The following TRIM24 variants were observed in gnomAD, a reference collection of about 807,000 sequenced individuals.
TRIM24 encodes the protein transcription intermediary factor 1-alpha.
A neutral mutation model predicts 123.9 loss-of-function variants in TRIM24; 29 were observed. That is an observed-to-expected ratio of 0.23 (90% CI 0.17 to 0.32). The LOEUF is 0.32. TRIM24 is among the 10% of genes least tolerant of loss of function. The probability of loss-of-function intolerance (pLI) is 1.00; values close to 1 mark genes in which losing one functional copy is unlikely to be tolerated. For missense variants in TRIM24, 932 were observed against 1,295.3 expected (o/e 0.72, Z 4.31); for synonymous variants, 456 against 461.1 (o/e 0.99, Z 0.14).
At position 138,517,423 on chromosome 7, in the gene TRIM24, T is replaced by C. The variant is rs1016817044; in HGVS notation, c.632-1766T>C. 2.6e-5 allele frequency among the ~76,000 whole-genome samples: 4 copies of C among 152,102 alleles called. No homozygotes were observed. In the South Asian group the frequency reaches 8.3e-4, roughly 32 times the overall value. Reference sequence around the variant, plus strand: ...TCTCACTCCATGACCCAGACTGGAGTGCAGTGGTGCGATCTCAGCTCACTG... The same window carrying C: ...TCTCACTCCATGACCCAGACTGGAGCGCAGTGGTGCGATCTCAGCTCACTG... On this transcript the variant is annotated intron_variant, in intron 3 of 18. Transcript: ENST00000343526.
intron 1 of TRIM24, among the ~76,000 whole-genome samples, chr7:138,477,561 T>G (rs1480857652): frequency 2.0e-5 from 3 of 152,220 alleles, no homozygotes; most frequent in African/African-American, 7.2e-5. Flanking sequence ...ACCTACATAG[T>G]AAAGGATTTT....
At chr7:138,529,048 A>G in intron 5 of TRIM24, 68 bp from the exon 6 acceptor site, 1 of 972,500 alleles carries the variant, frequency 1.0e-6, no homozygotes, top group Non-Finnish European at 1.5e-6. Flanking sequence ...TAATTTAGAC[A>G]TTAAAACGTC....
At chr7:138,479,279 C>T (rs889434240) in intron 1 of TRIM24, among the ~76,000 whole-genome samples, 3 of 152,182 alleles carry the variant, frequency 2.0e-5, no homozygotes, top group Non-Finnish European at 2.9e-5. Flanking sequence ...AAGAAACACA[C>T]ATAGCCAGTA....
chr7:138,526,513 A>T (rs186430464), intron 5 of TRIM24, among the ~76,000 whole-genome samples: 2 of 151,776 alleles, frequency 1.3e-5, no homozygotes, highest in Admixed American at 6.6e-5. Flanking sequence ...GTGTGATCTC[A>T]GCTCACTGCA....
intron 9 of TRIM24, among the ~76,000 whole-genome samples, chr7:138,555,810 C>CT (rs776946129): frequency 6.6e-6 from 1 of 152,086 alleles, no homozygotes; most frequent in East Asian, 1.9e-4. Context: ...GTTGCTTCCC[C>CT]TGTCACAGGA....
chr7:138,493,588 A>T (rs1191416132), intron 1 of TRIM24, among the ~76,000 whole-genome samples: 1 of 152,338 alleles, frequency 6.6e-6, no homozygotes, highest in South Asian at 2.1e-4. Flanking sequence ...GTGTTCTGAT[A>T]GATGTCACCA....
chr7:138,550,591 G>A (rs1797191395), intron 7 of TRIM24, among the ~76,000 whole-genome samples: 2 of 152,088 alleles, frequency 1.3e-5, no homozygotes, highest in Admixed American at 6.6e-5. Context: ...AAAGCTGGTT[G>A]TATTCAGGGC....
intron 1 of TRIM24, among the ~76,000 whole-genome samples, chr7:138,497,275 C>T (rs10277465): frequency 0.021 from 3,233 of 152,060 alleles, 95 homozygotes; most frequent in African/African-American, 0.071. Flanking sequence ...ACCTTGTTCC[C>T]CAGGCTGGTC....
rs949225526 is a variant in TRIM24, at chr7:138,581,787, A to AT, written c.2793+20dup. ...TCCTCTAACTGTAAGTATTAATGTC[A>AT]TTTTCTGCATGTTTACACAGTGGAA... On this transcript the variant is annotated intron_variant, in intron 17 of 18. Coordinates refer to ENST00000343526, the MANE Select transcript of TRIM24 (RefSeq NM_015905.3). The AT allele has an allele frequency of 1.3e-6, 2 of 1,595,518 alleles. No individual in the cohort carries two copies. Among genetic ancestry groups the AT allele is most frequent in the African/African-American group, 2.7e-5 (2 of 74,406 alleles).
chr7:138,470,531 GC>G (rs1359175308), intron 1 of TRIM24, among the ~76,000 whole-genome samples: 1 of 152,160 alleles, frequency 6.6e-6, no homozygotes, highest in Non-Finnish European at 1.5e-5. Context: ...CCATTACCAG[GC>G]CTCTGGCATA....
chr7:138,543,019 A>G lies in TRIM24; in HGVS notation c.1143+4216A>G, dbSNP rs183552282. The stretch of plus-strand genomic sequence containing the variant: ...TAGAAAAGGGATAGAGGGAATAGAG[A>G]ATTGTGTTTTTCAACTTAATCCATC... On this transcript the variant is annotated intron_variant, in intron 7 of 18. Coordinates refer to ENST00000343526, the MANE Select transcript of TRIM24 (RefSeq NM_015905.3). Among the ~76,000 whole-genome samples, 52 of 152,300 alleles carry G rather than the reference A, an allele frequency of 3.4e-4. 1 individual carries two copies. The highest frequency in any genetic ancestry group is 3.1e-3 in the Admixed American group (47 of 15,288).
At chr7:138,519,395 A>C in intron 4 of TRIM24, 74 bp downstream of exon 4, 1 of 1,489,634 alleles carries the variant, frequency 6.7e-7, no homozygotes, top group Non-Finnish European at 9.0e-7. Context: ...GCCAACCCTC[A>C]TCAAATGGCA....
intron 1 of TRIM24, among the ~76,000 whole-genome samples, chr7:138,480,831 T>A (rs1331807244): frequency 6.6e-6 from 1 of 152,170 alleles, no homozygotes; most frequent in Non-Finnish European, 1.5e-5. Flanking sequence ...TCCTGTTAAC[T>A]TATTGGGATC....
chr7:138,480,363 G>A (rs951174826), intron 1 of TRIM24, among the ~76,000 whole-genome samples: 1 of 152,080 alleles, frequency 6.6e-6, no homozygotes, highest in Non-Finnish European at 1.5e-5. Context: ...GAATGGTGCT[G>A]GTGTATTTTA....
At chr7:138,581,915 T>A in intron 17 of TRIM24, 144 bp downstream of exon 17, 1 of 592,968 alleles carries the variant, frequency 1.7e-6, no homozygotes, top group Non-Finnish European at 2.8e-6. Context: ...AATGCTTTGA[T>A]CCTATGTAGG....
chr7:138,539,694 T>A (rs1041242016), intron 7 of TRIM24, among the ~76,000 whole-genome samples: 2 of 152,126 alleles, frequency 1.3e-5, no homozygotes, highest in African/African-American at 4.8e-5. Context: ...ACAGTTTTTT[T>A]AAGTTTTCCA....
chr7:138,573,717 C>T (rs1797701717), intron 12 of TRIM24, 75 bp downstream of exon 12: 16 of 1,491,102 alleles, frequency 1.1e-5, no homozygotes, highest in South Asian at 5.3e-5. Context: ...AATTACCCCT[C>T]TTCTCCTTTT....
At chr7:138,522,973 T>C (rs1350621720) in intron 4 of TRIM24, among the ~76,000 whole-genome samples, 1 of 152,170 alleles carries the variant, frequency 6.6e-6, no homozygotes, top group East Asian at 1.9e-4. Context: ...GGAGGACAAT[T>C]TATATTATTA....
intron 7 of TRIM24, among the ~76,000 whole-genome samples, chr7:138,545,211 CAAG>C (rs1396463086): frequency 2.6e-5 from 4 of 151,804 alleles, no homozygotes; most frequent in Non-Finnish European, 5.9e-5. Context: ...TAAAAACTAT[CAAG>C]AATCTTACTG....
Sources: allele counts gnomAD v4.1 joint callset (sites outside exome capture counted in the v4.1 genomes callset), GRCh38; gene constraint gnomAD v4.1.1; transcripts MANE v1.5; gene names NCBI Gene and HGNC (gene_info 2026-07-23, HGNC 2026-07-21).